Variants in KCNG3 observed in about 807,000 individuals in gnomAD.
KCNG3 encodes the protein voltage-gated potassium channel regulatory subunit KCNG3.
A neutral mutation model predicts 29.0 loss-of-function variants in KCNG3; 15 were observed. That is an observed-to-expected ratio of 0.52 (90% CI 0.35 to 0.80). The LOEUF is 0.80. Among genes scored for constraint, KCNG3 ranks in the 30% least tolerant of loss-of-function variants. The pLI is 0.01. For missense variants in KCNG3, 512 were observed against 605.7 expected (o/e 0.85, Z 1.62); for synonymous variants, 322 against 248.9 (o/e 1.29, Z -2.76).
chr2:42,482,551 C>T (rs1167401210), intron 1 of KCNG3, among the ~76,000 whole-genome samples: 1 of 152,144 alleles, frequency 6.6e-6, no homozygotes, highest in Non-Finnish European at 1.5e-5. Context: ...GGTGAAACTC[C>T]GTCTCTACTA....
At chr2:42,423,185 C>A in the KCNG3 span, among the ~76,000 whole-genome samples, 3 of 152,310 alleles carry the variant, frequency 2.0e-5, no homozygotes, top group Non-Finnish European at 4.4e-5. Flanking sequence ...CCACCAAAAG[C>A]TGCTCTCTTT....
intron 1 of KCNG3, among the ~76,000 whole-genome samples, chr2:42,452,238 TATA>T (rs1162429789): frequency 9.0e-4 from 63 of 69,682 alleles, no homozygotes; most frequent in East Asian, 9.0e-3. Context: ...TATATATATA[TATA>T]TATTTTTTTT....
Position 42,443,797 on chromosome 2 carries a change from C to T in KCNG3, c.*137G>A, listed in dbSNP as rs538962784. 2.6e-5 allele frequency: 20 copies of T among 765,144 alleles called. No homozygotes were observed. The highest frequency in any genetic ancestry group is 7.9e-5 in the East Asian group (3 of 37,882). The allele number at this position is 765,144 out of a possible 1,614,324, so 47.4% of individuals were successfully genotyped here. A position where few individuals can be genotyped will look rare whatever the true frequency, so the allele number is the denominator to read the frequency against. ...TAACAAGTAAACTGTTTTATCCCTTCGGCTGGGAAGGATAATTTTTACCCT... is the reference window on the plus strand; with the variant it reads ...TAACAAGTAAACTGTTTTATCCCTTTGGCTGGGAAGGATAATTTTTACCCT... On this transcript the variant is annotated 3_prime_UTR_variant, in exon 2 of 2. Coordinates refer to ENST00000306078, the MANE Select transcript of KCNG3 (RefSeq NM_133329.6).
At chr2:42,467,977 A>G (rs968164804) in intron 1 of KCNG3, among the ~76,000 whole-genome samples, 10 of 152,232 alleles carry the variant, frequency 6.6e-5, no homozygotes, top group African/African-American at 2.4e-4. Context: ...TCTCAAAAAA[A>G]AAAAAAAAAG....
At chr2:42,472,733 C>T (rs1673319233) in intron 1 of KCNG3, among the ~76,000 whole-genome samples, 1 of 151,602 alleles carries the variant, frequency 6.6e-6, no homozygotes, top group Admixed American at 6.6e-5. Flanking sequence ...CTATTGGCCT[C>T]AGGTGATATA....
chr2:42,417,040 A>G, the KCNG3 span, among the ~76,000 whole-genome samples: 4 of 152,012 alleles, frequency 2.6e-5, no homozygotes, highest in East Asian at 5.8e-4. Flanking sequence ...CTTGTGGTCA[A>G]GAGTTGGAGA....
chr2:42,404,744 A>G, the KCNG3 span, among the ~76,000 whole-genome samples: 1 of 152,084 alleles, frequency 6.6e-6, no homozygotes, highest in Non-Finnish European at 1.5e-5. Flanking sequence ...AAAACAATGG[A>G]AAGTAGGGAA....
At chr2:42,420,530 C>T in the KCNG3 span, among the ~76,000 whole-genome samples, 1 of 152,164 alleles carries the variant, frequency 6.6e-6, no homozygotes, top group Non-Finnish European at 1.5e-5. Flanking sequence ...TGGCTCATGT[C>T]TGTAATCCCA....
intron 1 of KCNG3, among the ~76,000 whole-genome samples, chr2:42,472,705 G>C (rs1456586338): frequency 6.6e-6 from 1 of 151,532 alleles, no homozygotes; most frequent in African/African-American, 2.4e-5. Flanking sequence ...TCACCACGTT[G>C]CACAGGCTGG....
the KCNG3 span, among the ~76,000 whole-genome samples, chr2:42,391,188 T>A: frequency 2.6e-5 from 4 of 152,162 alleles, no homozygotes; most frequent in African/African-American, 9.7e-5. Flanking sequence ...GAGGGGAAAT[T>A]AGAGCAGAAG....
intron 1 of KCNG3, chr2:42,469,899 T>C (rs1673243447): frequency 3.5e-6 from 1 of 282,814 alleles, no homozygotes; most frequent in East Asian, 7.0e-5. Flanking sequence ...TGGCTGAAGT[T>C]GACATCTGAT....
At chr2:42,463,409 T>C (rs930614356) in intron 1 of KCNG3, 2 of 162,292 alleles carry the variant, frequency 1.2e-5, no homozygotes, top group African/African-American at 4.8e-5. Flanking sequence ...GTCCAACTTC[T>C]TATTCACCTC....
chr2:42,479,305 T>C (rs987160405), intron 1 of KCNG3, among the ~76,000 whole-genome samples: 1 of 152,144 alleles, frequency 6.6e-6, no homozygotes, highest in East Asian at 1.9e-4. Flanking sequence ...AAGTAGTGAA[T>C]CCTGGTATTT....
Position 42,444,697 on chromosome 2 carries a change from T to A in KCNG3, c.666-118A>T, listed in dbSNP as rs963957286. On this transcript the variant is annotated intron_variant, in intron 1 of 1. Coordinates refer to ENST00000306078, the MANE Select transcript of KCNG3 (RefSeq NM_133329.6). The surrounding 1 kb of genome is among the most constrained non-coding windows in gnomAD (Gnocchi z 5.8). Reference sequence around the variant, plus strand: ...AATTCAGTTACTTTTCCAGAAAACATAAAGAACAGACAACATTAGCAACAT... The same window carrying A: ...AATTCAGTTACTTTTCCAGAAAACAAAAAGAACAGACAACATTAGCAACAT... 2 of 913,100 alleles carry A rather than the reference T, an allele frequency of 2.2e-6. No individual in the cohort carries two copies. The highest frequency in any genetic ancestry group is 3.3e-6 in the Non-Finnish European group (2 of 607,936). The allele number at this position is 913,100 out of a possible 1,614,324, so 56.6% of individuals were successfully genotyped here.
the KCNG3 span, among the ~76,000 whole-genome samples, chr2:42,409,699 C>CAAAAAA: frequency 5.8e-5 from 3 of 51,978 alleles, no homozygotes; most frequent in East Asian, 1.0e-3. Context: ...GTGCCTGTCT[C>CAAAAAA]AAAAAAAAAA....
At chr2:42,482,851 TG>T (rs1298608819) in intron 1 of KCNG3, among the ~76,000 whole-genome samples, 8 of 152,190 alleles carry the variant, frequency 5.3e-5, no homozygotes, top group Non-Finnish European at 1.0e-4. Flanking sequence ...CCAGGCACAG[TG>T]GCTCATGCCT....
chr2:42,472,099 T>C (rs1200801768), intron 1 of KCNG3, among the ~76,000 whole-genome samples: 1 of 152,166 alleles, frequency 6.6e-6, no homozygotes, highest in African/African-American at 2.4e-5. Flanking sequence ...TACTTTTCAA[T>C]ACAGCAACTC....
chr2:42,479,905 A>G (rs1461877999), intron 1 of KCNG3, among the ~76,000 whole-genome samples: 1 of 152,130 alleles, frequency 6.6e-6, no homozygotes, highest in African/African-American at 2.4e-5. Flanking sequence ...CCACCTACTC[A>G]GGAGGCTGAG....
chr2:42,464,461 T>A (rs11695203), intron 1 of KCNG3, among the ~76,000 whole-genome samples: 40,642 of 152,050 alleles, frequency 0.27, 6,139 homozygotes, highest in East Asian at 0.57. Flanking sequence ...TAGTCTATAG[T>A]CATGAATACA....
Sources: allele counts gnomAD v4.1 joint callset (sites outside exome capture counted in the v4.1 genomes callset), GRCh38; gene constraint gnomAD v4.1.1; non-coding constraint Gnocchi (gnomAD v3.1); transcripts MANE v1.5; gene names NCBI Gene and HGNC (gene_info 2026-07-23, HGNC 2026-07-21).